RCAN1: variants seen among roughly 807,000 people sequenced by gnomAD.
The protein encoded by RCAN1 is regulator of calcineurin 1, also known as calcipressin-1.
RCAN1 carries 11 observed loss-of-function variants against 22.9 expected under a neutral mutation model. The ratio of observed to expected loss-of-function variants is 0.48; its 90% CI spans 0.30 to 0.79. RCAN1 has a LOEUF of 0.79. Ranked by LOEUF, RCAN1 falls within the 30% of genes least tolerant of loss-of-function variation. RCAN1 has a pLI of 0.06. For synonymous variants in RCAN1, 136 were observed against 142.3 expected (o/e 0.96, Z 0.32); for missense variants, 291 against 337.8 (o/e 0.86, Z 1.09).
At chr21:34,597,459 GC>G (rs1988199793) in intron 1 of RCAN1, among the ~76,000 whole-genome samples, 1 of 152,144 alleles carries the variant, frequency 6.6e-6, no homozygotes, top group Admixed American at 6.5e-5. Flanking sequence ...TGGAGATGTG[GC>G]TCACAGAACG....
intron 1 of RCAN1, among the ~76,000 whole-genome samples, chr21:34,561,264 C>T (rs1986780395): frequency 6.6e-6 from 1 of 152,136 alleles, no homozygotes; most frequent in East Asian, 1.9e-4. Flanking sequence ...TGGACTAATT[C>T]ACAAACTAGT....
intron 1 of RCAN1, among the ~76,000 whole-genome samples, chr21:34,547,165 G>A (rs532381639): frequency 1.5e-4 from 23 of 152,294 alleles, no homozygotes; most frequent in African/African-American, 5.1e-4. Flanking sequence ...CGAAGGGTTC[G>A]GGTTCCACGT....
At chr21:34,596,498 T>C (rs1483375827) in intron 1 of RCAN1, among the ~76,000 whole-genome samples, 4 of 152,082 alleles carry the variant, frequency 2.6e-5, no homozygotes, top group African/African-American at 9.7e-5. Flanking sequence ...CCTTGCCCAC[T>C]GGAGCCTCAG....
In RCAN1 at chr21:34,517,504, A is replaced by T. The variant is rs1415393947; in HGVS notation, c.*580T>A. The stretch of plus-strand genomic sequence containing the variant: ...CCAAACGCTTTCCTGGCTTCCCAAA[A>T]GATGTAAAACAACAACGGTGTAACT... On this transcript the variant is annotated 3_prime_UTR_variant, in exon 4 of 4. Transcript: ENST00000313806. 6.6e-6 allele frequency: 1 copy of T among 152,262 alleles called. No individual in the cohort carries two copies. Among genetic ancestry groups the T allele is most frequent in the African/African-American group, 2.4e-5 (1 of 41,468 alleles). The allele number at this position is 152,262 out of a possible 1,614,324, so 9.4% of individuals were successfully genotyped here. A position where few individuals can be genotyped will look rare whatever the true frequency, so the allele number is the denominator to read the frequency against.
At chr21:34,580,886 C>T (rs1295816580) in intron 1 of RCAN1, among the ~76,000 whole-genome samples, 1 of 152,102 alleles carries the variant, frequency 6.6e-6, no homozygotes, top group Non-Finnish European at 1.5e-5. Flanking sequence ...TACGTATGCA[C>T]ATGGATGCTG....
At chr21:34,611,125 T>A (rs1006254183) in intron 1 of RCAN1, among the ~76,000 whole-genome samples, 1 of 152,222 alleles carries the variant, frequency 6.6e-6, no homozygotes, top group East Asian at 1.9e-4. Flanking sequence ...AGCTTGATGA[T>A]GACTGAATAA....
At chr21:34,544,818 G>A (rs9636617) in intron 1 of RCAN1, among the ~76,000 whole-genome samples, 36,499 of 151,904 alleles carry the variant, frequency 0.24, 5,067 homozygotes, top group African/African-American at 0.39. Context: ...CACATGGGAC[G>A]GGGCTGTAAG....
rs537215550 is a variant in RCAN1 at position 34,536,673 on chromosome 21, C to T, written c.253-12963G>A. Among the ~76,000 whole-genome samples, 372 of 152,204 alleles carry T rather than the reference C, an allele frequency of 2.4e-3. 2 individuals are homozygous for T. The highest frequency in any genetic ancestry group is 8.7e-3 in the African/African-American group (361 of 41,490). ...GGGGTCCAGGCACACACCACGCCGG[C>T]ACCTGGTGAATAGCTGGCTGAATGT... On this transcript the variant is annotated intron_variant, in intron 1 of 3. Transcript: ENST00000313806.
At chr21:34,559,186 A>G (rs1293398581) in intron 1 of RCAN1, 1 of 152,224 alleles carries the variant, frequency 6.6e-6, no homozygotes, top group African/African-American at 2.4e-5. Flanking sequence ...AATTTGGAAT[A>G]AGGCCAGGAT....
At chr21:34,605,855 G>C (rs1445048636) in intron 1 of RCAN1, among the ~76,000 whole-genome samples, 4 of 151,218 alleles carry the variant, frequency 2.6e-5, no homozygotes, top group Non-Finnish European at 4.4e-5. Flanking sequence ...GGGAAGCAGA[G>C]GTTGCAGTGA....
At chr21:34,524,029 G>A (rs944293862) in intron 1 of RCAN1, 65 of 181,398 alleles carry the variant, frequency 3.6e-4, no homozygotes, top group African/African-American at 1.5e-3. Flanking sequence ...GTGATCCCTC[G>A]GCCTCCCAAA....
chr21:34,600,760 A>T (rs191042335), intron 1 of RCAN1, among the ~76,000 whole-genome samples: 5 of 152,360 alleles, frequency 3.3e-5, no homozygotes, highest in South Asian at 2.1e-4. Context: ...AGCAAAGCTC[A>T]TTTCACATTA....
At chr21:34,587,571 A>G (rs949674605) in intron 1 of RCAN1, among the ~76,000 whole-genome samples, 1 of 152,228 alleles carries the variant, frequency 6.6e-6, no homozygotes, top group Non-Finnish European at 1.5e-5. Flanking sequence ...AGAGTCATAA[A>G]AAAGAATACT....
chr21:34,595,032 T>C (rs1244372948), intron 1 of RCAN1, among the ~76,000 whole-genome samples: 3 of 152,180 alleles, frequency 2.0e-5, no homozygotes, highest in African/African-American at 7.2e-5. Flanking sequence ...ACTCCATCCA[T>C]AAAATGGGGA....
In RCAN1 at chr21:34,614,293, T is replaced by C; in HGVS notation, c.252+467A>G. ...GGATCCTCACCCAAACATTGGCTTTTCTTCCAATAGTGCAGATTGGGAATG... is the reference window on the plus strand; with the variant it reads ...GGATCCTCACCCAAACATTGGCTTTCCTTCCAATAGTGCAGATTGGGAATG... On this transcript the variant is annotated intron_variant, in intron 1 of 3. Transcript: ENST00000313806. This position sits in a 1 kb window ranked among gnomAD's most constrained non-coding sequence, Gnocchi z 6.0. The C allele has an allele frequency of 1.0e-6, 1 of 991,556 alleles. No homozygotes were observed. Among genetic ancestry groups the C allele is most frequent in the South Asian group, 4.7e-5 (1 of 21,374 alleles). The allele number at this position is 991,556 out of a possible 1,614,324, so 61.4% of individuals were successfully genotyped here. A position where few individuals can be genotyped will look rare whatever the true frequency, so the allele number is the denominator to read the frequency against.
At chr21:34,577,626 A>G (rs1358922835) in intron 1 of RCAN1, among the ~76,000 whole-genome samples, 1 of 152,050 alleles carries the variant, frequency 6.6e-6, no homozygotes, top group East Asian at 1.9e-4. Context: ...CAAACAAAAG[A>G]TCACTCAGGG....
chr21:34,606,206 C>G (rs1988521168), intron 1 of RCAN1, among the ~76,000 whole-genome samples: 1 of 152,204 alleles, frequency 6.6e-6, no homozygotes, highest in Non-Finnish European at 1.5e-5. Flanking sequence ...AATGGCCAAT[C>G]ACAAACAACC....
In RCAN1 at chr21:34,521,486, G is replaced by A. The variant is rs981789269; in HGVS notation, c.586+13C>T. On this transcript the variant is annotated intron_variant, in intron 3 of 3. Coordinates refer to ENST00000313806, the MANE Select transcript of RCAN1 (RefSeq NM_004414.7). ...CTCCCCCTGCCTCCCTCCCACCCGAGGGCCCTGCTCACCTGGCCCCAGCTT... is the reference window on the plus strand; with the variant it reads ...CTCCCCCTGCCTCCCTCCCACCCGAAGGCCCTGCTCACCTGGCCCCAGCTT... The A allele has an allele frequency of 5.0e-6, 8 of 1,613,984 alleles. No individual in the cohort carries two copies. Among genetic ancestry groups the A allele is most frequent in the East Asian group, 2.2e-5 (1 of 44,900 alleles).
At chr21:34,561,940 T>C (rs919933543) in intron 1 of RCAN1, among the ~76,000 whole-genome samples, 1 of 152,184 alleles carries the variant, frequency 6.6e-6, no homozygotes, top group Non-Finnish European at 1.5e-5. Context: ...CGAGATCCTA[T>C]CCCTTCTCAT....
Sources: allele counts gnomAD v4.1 joint callset (sites outside exome capture counted in the v4.1 genomes callset), GRCh38; gene constraint gnomAD v4.1.1; non-coding constraint Gnocchi (gnomAD v3.1); transcripts MANE v1.5; gene names NCBI Gene and HGNC (gene_info 2026-07-23, HGNC 2026-07-21).